The following MLIP variants were observed in gnomAD, a reference collection of about 807,000 sequenced individuals.
MLIP encodes the protein muscular LMNA interacting protein, also known as muscular LMNA-interacting protein.
Under a neutral mutation model 84.8 loss-of-function variants are expected in MLIP, and 79 were observed. That is an observed-to-expected ratio of 0.93 (90% CI 0.78 to 1.12). The LOEUF is 1.12. Among genes scored for constraint, MLIP ranks in the 50% most tolerant of loss-of-function variants. The pLI is 0.00. For synonymous variants in MLIP, 504 were observed against 463.0 expected (o/e 1.09, Z -1.14); for missense variants, 1,257 against 1,160.6 (o/e 1.08, Z -1.21).
chr6:54,254,326 C>T (rs908754376), intron 12 of MLIP, among the ~76,000 whole-genome samples: 7 of 151,936 alleles, frequency 4.6e-5, no homozygotes, highest in Middle Eastern at 6.9e-3. Flanking sequence ...GGGGTTTTAC[C>T]ATGTTGGCCA....
intron 11 of MLIP, among the ~76,000 whole-genome samples, chr6:54,214,811 A>G (rs1779734187): frequency 6.6e-6 from 1 of 152,208 alleles, no homozygotes; most frequent in African/African-American, 2.4e-5. Flanking sequence ...AGAAAGACAA[A>G]ACTAGAAAAC....
At chr6:54,232,262 T>C (rs767449801) in intron 12 of MLIP, among the ~76,000 whole-genome samples, 1 of 152,190 alleles carries the variant, frequency 6.6e-6, no homozygotes, top group Non-Finnish European at 1.5e-5. Flanking sequence ...GATAAGGTTA[T>C]GATTTAATTT....
At chr6:54,141,026 T>C (rs774358573) in intron 4 of MLIP, among the ~76,000 whole-genome samples, 8 of 152,156 alleles carry the variant, frequency 5.3e-5, no homozygotes, top group Non-Finnish European at 1.2e-4. Context: ...ACAGATGGCA[T>C]CTAATTAAAA....
chr6:54,138,173 C>T lies in MLIP; in HGVS notation c.2104C>T (p.His702Tyr), dbSNP rs181989662. 198 of 1,536,108 alleles carry T rather than the reference C, an allele frequency of 1.3e-4. 1 individual carries two copies. In the East Asian group the frequency reaches 2.1e-3, roughly 16 times the overall value. Residue 702 changes from histidine to tyrosine, a missense_variant, in exon 4 of 14, where the codon CAC (histidine) becomes TAC (tyrosine). Physicochemically the swap from His to Tyr is moderately conservative, Grantham distance 83 (BLOSUM62 2). Coordinates refer to ENST00000502396, the MANE Select transcript of MLIP (RefSeq NM_001281747.2). ...LGKSESTTPNHRSPVSTPSLP... is the reference protein window; with the variant it reads ...LGKSESTTPNYRSPVSTPSLP... ...GAAATCTGAAAGCACCACCCCCAAC[C>T]ACAGGTCACCTGTTTCAACCCCATC...
intron 12 of MLIP, among the ~76,000 whole-genome samples, chr6:54,235,441 C>T (rs1311908444): frequency 6.6e-6 from 1 of 152,132 alleles, no homozygotes. Context: ...TTTGTTTTCT[C>T]CTTTCAATTT....
At chr6:54,165,971 A>G (rs1164832830) in intron 8 of MLIP, among the ~76,000 whole-genome samples, 1 of 151,900 alleles carries the variant, frequency 6.6e-6, no homozygotes, top group Non-Finnish European at 1.5e-5. Flanking sequence ...ATGAACCAGA[A>G]GTGGTCCCTC....
At chr6:54,186,484 A>C (rs1460140784) in intron 9 of MLIP, among the ~76,000 whole-genome samples, 2 of 152,222 alleles carry the variant, frequency 1.3e-5, no homozygotes, top group Non-Finnish European at 2.9e-5. Context: ...TCATACTGCT[A>C]TAAAGAACTG....
At chr6:54,159,747 C>T (rs1398416124) in intron 5 of MLIP, among the ~76,000 whole-genome samples, 1 of 152,034 alleles carries the variant, frequency 6.6e-6, no homozygotes, top group Non-Finnish European at 1.5e-5. Context: ...TGTAGATAAA[C>T]TCTGCCCAAA....
At chr6:54,074,977 G>C (rs948534492) in intron 1 of MLIP, among the ~76,000 whole-genome samples, 1 of 152,026 alleles carries the variant, frequency 6.6e-6, no homozygotes, top group African/African-American at 2.4e-5. Context: ...GGCCAGGCGC[G>C]GTGGTTCACA....
intron 1 of MLIP, among the ~76,000 whole-genome samples, chr6:54,031,115 A>G (rs1486199661): frequency 1.3e-5 from 2 of 152,162 alleles, no homozygotes; most frequent in African/African-American, 4.8e-5. Context: ...CAGCCCTATT[A>G]GCCAAACCCT....
At chr6:54,031,109 C>G (rs1312084187) in intron 1 of MLIP, among the ~76,000 whole-genome samples, 1 of 151,992 alleles carries the variant, frequency 6.6e-6, no homozygotes, top group African/African-American at 2.4e-5. Context: ...TTTGTGCAGC[C>G]CTATTAGCCA....
intron 12 of MLIP, among the ~76,000 whole-genome samples, chr6:54,256,188 T>C (rs1782993140): frequency 6.6e-6 from 1 of 152,156 alleles, no homozygotes; most frequent in Non-Finnish European, 1.5e-5. Context: ...TTGGATTTAG[T>C]GAAGCTATAA....
At chr6:54,251,116 C>A (rs1356644370) in intron 12 of MLIP, among the ~76,000 whole-genome samples, 1 of 151,816 alleles carries the variant, frequency 6.6e-6, no homozygotes, top group African/African-American at 2.4e-5. Context: ...CTATACAACT[C>A]CAGTGTATCT....
chr6:54,251,676 C>CATATAAT (rs1272517938), intron 12 of MLIP, among the ~76,000 whole-genome samples: 2 of 93,124 alleles, frequency 2.1e-5, no homozygotes, highest in African/African-American at 5.2e-5. Context: ...TATATTATAA[C>CATATAAT]ATATAATATA....
intron 11 of MLIP, among the ~76,000 whole-genome samples, chr6:54,230,250 G>A (rs912123892): frequency 6.6e-5 from 10 of 152,028 alleles, no homozygotes; most frequent in Admixed American, 5.9e-4. Flanking sequence ...TTGTACTTCT[G>A]CCCCTCCACT....
At chr6:54,082,560 A>C (rs1004700435) in intron 1 of MLIP, among the ~76,000 whole-genome samples, 2 of 152,238 alleles carry the variant, frequency 1.3e-5, no homozygotes, top group Non-Finnish European at 2.9e-5. Context: ...CGATGTATCC[A>C]TATTCACCTT....
intron 2 of MLIP, among the ~76,000 whole-genome samples, chr6:54,124,198 A>G (rs1770707644): frequency 6.6e-6 from 1 of 152,104 alleles, no homozygotes; most frequent in Admixed American, 6.5e-5. Context: ...CTCTCTCTTT[A>G]AAATGTCGTA....
chr6:54,190,999 T>G (rs1316141735), intron 10 of MLIP, among the ~76,000 whole-genome samples: 4 of 151,660 alleles, frequency 2.6e-5, no homozygotes, highest in Non-Finnish European at 5.9e-5. Context: ...GTTTCACCAT[T>G]TAAGCCAGGA....
At chr6:54,082,569 T>G (rs1425627596) in intron 1 of MLIP, among the ~76,000 whole-genome samples, 1 of 152,206 alleles carries the variant, frequency 6.6e-6, no homozygotes, top group Non-Finnish European at 1.5e-5. Context: ...CATATTCACC[T>G]TTTTTGGAAT....
Sources: gnomAD v4.1 joint callset for allele counts (sites outside exome capture counted in the v4.1 genomes callset) on GRCh38, gnomAD v4.1.1 for gene constraint, MANE v1.5 for transcripts, NCBI Gene and HGNC (gene_info 2026-07-23, HGNC 2026-07-21) for gene names.